RIPOR3: variants seen among roughly 807,000 people sequenced by gnomAD.
RIPOR3 encodes family with sequence similarity 65 member C.
A neutral mutation model predicts 114.3 loss-of-function variants in RIPOR3; 95 were observed. The ratio of observed to expected loss-of-function variants is 0.83; its 90% CI spans 0.70 to 0.99. The LOEUF (loss-of-function observed/expected upper bound fraction) is 0.99, where lower values mean the gene tolerates loss of function less well. Among genes scored for constraint, RIPOR3 ranks in the 50% least tolerant of loss-of-function variants. The pLI is 0.00. For synonymous variants in RIPOR3, 575 were observed against 543.8 expected (o/e 1.06, Z -0.80); for missense variants, 1,252 against 1,266.9 (o/e 0.99, Z 0.18).
chr20:50,596,956 C>CT (rs11484213), intron 14 of RIPOR3: 83,977 of 151,190 alleles, frequency 0.56, 23,756 homozygotes, highest in Middle Eastern at 0.72. Flanking sequence ...GGGCTAAGAG[C>CT]TTTTTTTTTC....
intron 1 of RIPOR3, among the ~76,000 whole-genome samples, chr20:50,658,339 C>T (rs549965060): frequency 6.6e-6 from 1 of 152,226 alleles, no homozygotes; most frequent in East Asian, 1.9e-4. Flanking sequence ...AGAAAATATG[C>T]CCATCACACA....
intron 5 of RIPOR3, 113 bp downstream of exon 5, chr20:50,611,068 T>C: frequency 6.4e-7 from 1 of 1,570,956 alleles, no homozygotes; most frequent in East Asian, 2.2e-5. Flanking sequence ...ATTCCTAAAA[T>C]GGGGAGGAGA....
At chr20:50,605,161 G>T (rs1171524637) in intron 11 of RIPOR3, among the ~76,000 whole-genome samples, 1 of 152,088 alleles carries the variant, frequency 6.6e-6, no homozygotes, top group Non-Finnish European at 1.5e-5. Flanking sequence ...TCGAACTTCT[G>T]GGCTCAAGCA....
intron 2 of RIPOR3, among the ~76,000 whole-genome samples, chr20:50,621,394 G>C (rs1447820123): frequency 3.3e-5 from 5 of 152,160 alleles, no homozygotes; most frequent in Admixed American, 3.3e-4. Flanking sequence ...TATACTTGTG[G>C]TTTGGGGGAA....
chr20:50,593,891 C>T (rs994711997), intron 17 of RIPOR3, among the ~76,000 whole-genome samples: 4 of 152,032 alleles, frequency 2.6e-5, no homozygotes, highest in Non-Finnish European at 4.4e-5. Context: ...TAGATACCCT[C>T]GTGGGCCCCT....
At chr20:50,595,240 C>A in intron 16 of RIPOR3, 129 bp downstream of exon 16, 1 of 1,268,670 alleles carries the variant, frequency 7.9e-7, no homozygotes, top group South Asian at 1.4e-5. Flanking sequence ...GAGCCCAGCC[C>A]AGCCACAGCC....
In RIPOR3 at chr20:50,679,473, T is replaced by A. The variant is rs1483966539; in HGVS notation, c.3+11653A>T. On this transcript the variant is annotated intron_variant, in intron 1 of 21. Transcript: ENST00000327979. ...GCCTGGGCAACATGGCAAGATCCCA[T>A]CTCCACTGGTGCAGTGGCTCACGCC... Among the ~76,000 whole-genome samples the A allele has an allele frequency of 3.3e-5, 5 of 150,116 alleles. No individual in the cohort carries two copies. In the South Asian group the frequency reaches 6.3e-4, roughly 19 times the overall value.
chr20:50,634,946 T>C (rs1004815976), intron 1 of RIPOR3, among the ~76,000 whole-genome samples: 1 of 152,110 alleles, frequency 6.6e-6, no homozygotes, highest in African/African-American at 2.4e-5. Flanking sequence ...GGCAGGAGAA[T>C]CACCTGAATC....
In RIPOR3 at chr20:50,589,748, C is replaced by G; in HGVS notation, c.2599G>C (p.Ala867Pro). The change falls in exon 20 of 22, where the codon GCC (alanine) becomes CCC (proline). Residue 867 changes from alanine to proline, a missense_variant. Transcript: ENST00000327979. ...AGCCTTGCGTCGTTCTCTGCCAGGGCGTTGGTGTAGAACAGCAAAGCCTGG... is the reference window on the plus strand; with the variant it reads ...AGCCTTGCGTCGTTCTCTGCCAGGGGGTTGGTGTAGAACAGCAAAGCCTGG... Reference protein sequence around the residue: ...REKALLFYTNALAENDARLQQ... With the variant: ...REKALLFYTNPLAENDARLQQ... 6.2e-7 allele frequency: 1 copy of G among 1,613,630 alleles called. No individual in the cohort carries two copies. Among genetic ancestry groups the G allele is most frequent in the Non-Finnish European group, 8.5e-7 (1 of 1,179,750 alleles).
chr20:50,636,322 C>G (rs2084984750), intron 1 of RIPOR3, among the ~76,000 whole-genome samples: 1 of 152,188 alleles, frequency 6.6e-6, no homozygotes, highest in South Asian at 2.1e-4. Flanking sequence ...AGGCTGGGTG[C>G]TGGAGCAGGG....
intron 1 of RIPOR3, among the ~76,000 whole-genome samples, chr20:50,642,877 T>C (rs1600664890): frequency 6.6e-6 from 1 of 151,974 alleles, no homozygotes; most frequent in Non-Finnish European, 1.5e-5. Context: ...GGAGAAACCC[T>C]GTCTCTACTA....
chr20:50,656,410 T>G (rs1015674568), intron 1 of RIPOR3, among the ~76,000 whole-genome samples: 11 of 152,314 alleles, frequency 7.2e-5, no homozygotes, highest in African/African-American at 2.6e-4. Context: ...AAAGTATATA[T>G]AGAGCTTAGT....
rs545412862 is a variant in RIPOR3 at position 50,609,707 on chromosome 20, C to T, written c.442G>A (p.Glu148Lys). 6 of 1,381,120 alleles carry T rather than the reference C, an allele frequency of 4.3e-6. No homozygotes were observed. The highest frequency in any genetic ancestry group is 5.8e-5 in the East Asian group (2 of 34,416). The allele number at this position is 1,381,120 out of a possible 1,614,324, so 85.6% of individuals were successfully genotyped here. Residue 148 changes from glutamate to lysine, a missense_variant, in exon 7 of 22, where the codon GAG becomes AAG. Physicochemically the swap from Glu to Lys is moderately conservative, Grantham distance 56. Transcript: ENST00000327979. ...FHISKVDELY[E>K]DYCIQCRLRD... The stretch of plus-strand genomic sequence containing the variant: ...AGGCGGCACTGGATGCAGTAGTCCT[C>T]GTACAGCTCATCCACCTGTGGTGGG...
intron 4 of RIPOR3, chr20:50,614,844 A>AGGTCAG (rs1048609178): frequency 6.0e-6 from 1 of 167,932 alleles, no homozygotes; most frequent in Admixed American, 6.5e-5. Context: ...GAATCACTTG[A>AGGTCAG]GGTCAGGAGT....
In RIPOR3 at chr20:50,587,000, A is replaced by G; in HGVS notation, c.*232T>C. The G allele has an allele frequency of 1.9e-6, 1 of 517,510 alleles. No individual in the cohort carries two copies. Among genetic ancestry groups the G allele is most frequent in the Non-Finnish European group, 3.5e-6 (1 of 287,160 alleles). 32.1% of individuals were successfully genotyped at this position (517,510 alleles called of 1,614,324 possible). A position where few individuals can be genotyped will look rare whatever the true frequency, so the allele number is the denominator to read the frequency against. ...CAGCCAGAAGTTGAGCGCTCTGTTG[A>G]GGCCGTGCAGCCCCTGGAATGCTGT... On this transcript the variant is annotated 3_prime_UTR_variant, in exon 22 of 22. Coordinates refer to ENST00000327979, the MANE Select transcript of RIPOR3 (RefSeq NM_001290268.2).
intron 1 of RIPOR3, among the ~76,000 whole-genome samples, chr20:50,665,722 T>G (rs112931001): frequency 1.3e-5 from 2 of 152,050 alleles, no homozygotes; most frequent in African/African-American, 4.8e-5. Context: ...GCCTGCCGGG[T>G]GGGTTTCTTA....
At chr20:50,666,617 T>C (rs2086258077) in intron 1 of RIPOR3, among the ~76,000 whole-genome samples, 1 of 151,410 alleles carries the variant, frequency 6.6e-6, no homozygotes, top group Admixed American at 6.6e-5. Flanking sequence ...TAGGCTGGAG[T>C]GCGGTGGTGC....
Position 50,691,239 on chromosome 20 carries a change from C to G in RIPOR3, c.-111G>C. 1 of 1,270,110 alleles carries G rather than the reference C, an allele frequency of 7.9e-7. No individual in the cohort carries two copies. Among genetic ancestry groups the G allele is most frequent in the Admixed American group, 2.3e-5 (1 of 43,442 alleles). The allele number at this position is 1,270,110 out of a possible 1,614,324, so 78.7% of individuals were successfully genotyped here. A position where few individuals can be genotyped will look rare whatever the true frequency, so the allele number is the denominator to read the frequency against. On this transcript the variant is annotated 5_prime_UTR_variant, in exon 1 of 22. Coordinates refer to ENST00000327979, the MANE Select transcript of RIPOR3 (RefSeq NM_001290268.2). ...TCCCATCTGGCCCGGGACTCCCGGACTCGAGCTAGGGCTCTGCAAATTCCA... is the reference window on the plus strand; with the variant it reads ...TCCCATCTGGCCCGGGACTCCCGGAGTCGAGCTAGGGCTCTGCAAATTCCA...
chr20:50,680,781 CTTT>C (rs1304174685), intron 1 of RIPOR3, among the ~76,000 whole-genome samples: 1 of 152,162 alleles, frequency 6.6e-6, no homozygotes, highest in Admixed American at 6.5e-5. Flanking sequence ...CAGCCTTTGG[CTTT>C]TGTTGGGTCG....
Sources: allele counts gnomAD v4.1 joint callset (sites outside exome capture counted in the v4.1 genomes callset), GRCh38; gene constraint gnomAD v4.1.1; transcripts MANE v1.5; gene names NCBI Gene and HGNC (gene_info 2026-07-23, HGNC 2026-07-21).